The following C4orf17 variants were observed in gnomAD, a reference collection of about 807,000 sequenced individuals.
C4orf17 encodes the protein chromosome 4 open reading frame 17.
C4orf17 carries 25 observed loss-of-function variants against 32.0 expected under a neutral mutation model. The observed-to-expected ratio is 0.78, with a 90% CI of 0.57 to 1.09. The LOEUF is 1.09. C4orf17 is among the 50% of genes least tolerant of loss of function. C4orf17 has a pLI of 0.00. For missense variants in C4orf17, 420 were observed against 420.0 expected (o/e 1.00, Z 0.00); for synonymous variants, 149 against 145.8 (o/e 1.02, Z -0.16).
chr4:99,513,448 C>A (rs896058204), intron 2 of C4orf17, among the ~76,000 whole-genome samples: 3 of 152,152 alleles, frequency 2.0e-5, no homozygotes, highest in Non-Finnish European at 4.4e-5. Flanking sequence ...ATTGTTAGGA[C>A]AGGGGCCTGG....
intron 1 of C4orf17, among the ~76,000 whole-genome samples, chr4:99,511,860 T>C (rs1378395369): frequency 6.6e-6 from 1 of 152,192 alleles, no homozygotes; most frequent in African/African-American, 2.4e-5. Context: ...TATTGCTAGA[T>C]AGATATTTTC....
chr4:99,512,113 AT>A (rs1224550564), intron 1 of C4orf17, among the ~76,000 whole-genome samples: 2 of 152,160 alleles, frequency 1.3e-5, no homozygotes, highest in Non-Finnish European at 2.9e-5. Context: ...GAACATGAAC[AT>A]TTTTTGACAC....
At chr4:99,534,051 C>T (rs1723519939) in intron 5 of C4orf17, among the ~76,000 whole-genome samples, 1 of 152,066 alleles carries the variant, frequency 6.6e-6, no homozygotes, top group South Asian at 2.1e-4. Flanking sequence ...AAATGTATGC[C>T]CTGGTGGTTT....
At chr4:99,531,333 A>C (rs1319089047) in intron 5 of C4orf17, among the ~76,000 whole-genome samples, 1 of 152,158 alleles carries the variant, frequency 6.6e-6, no homozygotes, top group Non-Finnish European at 1.5e-5. Context: ...TATTGAATAA[A>C]TAAATTAAAA....
chr4:99,513,185 C>T lies in C4orf17; in HGVS notation c.104C>T (p.Pro35Leu), dbSNP rs1723125605. The T allele has an allele frequency of 8.1e-6, 13 of 1,613,732 alleles. No individual in the cohort carries two copies. The East Asian group carries it at 2.9e-4, about 36-fold the overall frequency. ...TTTCTAGTCAGGCACACCCCTCATC[C>T]CAGAAGAGTCTGCCACATCAAAGGT... ...SCFLVRHTPHPRRVCHIKGLN... is the reference protein window; with the variant it reads ...SCFLVRHTPHLRRVCHIKGLN... The change falls in exon 2 of 9, where the codon CCC becomes CTC. Residue 35 changes from proline to leucine, a missense_variant. By Grantham distance (98) the Pro-to-Leu change is moderately conservative. Transcript: ENST00000326581.
At chr4:99,516,585 G>T (rs1309051280) in intron 2 of C4orf17, among the ~76,000 whole-genome samples, 1 of 152,156 alleles carries the variant, frequency 6.6e-6, no homozygotes, top group East Asian at 1.9e-4. Context: ...AATGACATTA[G>T]TAACAATAAT....
intron 5 of C4orf17, among the ~76,000 whole-genome samples, chr4:99,534,788 G>A (rs1315445041): frequency 6.6e-6 from 1 of 152,188 alleles, no homozygotes; most frequent in Non-Finnish European, 1.5e-5. Context: ...CTGTCACCAT[G>A]ATGCTAGCTG....
intron 5 of C4orf17, among the ~76,000 whole-genome samples, chr4:99,533,545 G>C (rs1390283239): frequency 6.6e-6 from 1 of 152,140 alleles, no homozygotes; most frequent in Non-Finnish European, 1.5e-5. Flanking sequence ...AGCTTCACTA[G>C]GTACAGAAAA....
At chr4:99,532,153 C>T (rs1723487420) in intron 5 of C4orf17, among the ~76,000 whole-genome samples, 1 of 152,092 alleles carries the variant, frequency 6.6e-6, no homozygotes, top group African/African-American at 2.4e-5. Flanking sequence ...TCTCTAGGAA[C>T]TATAAATAGA....
At chr4:99,527,393 A>G (rs1444509521) in intron 4 of C4orf17, among the ~76,000 whole-genome samples, 1 of 152,208 alleles carries the variant, frequency 6.6e-6, no homozygotes, top group Non-Finnish European at 1.5e-5. Flanking sequence ...AGAACGCAAT[A>G]TAAATATCAA....
chr4:99,521,153 T>C (rs1723281269), intron 2 of C4orf17, among the ~76,000 whole-genome samples: 1 of 152,030 alleles, frequency 6.6e-6, no homozygotes, highest in Non-Finnish European at 1.5e-5. Flanking sequence ...GTGGGCGGAT[T>C]ACAAGGTCAG....
Position 99,529,876 on chromosome 4 carries a change from G to A in C4orf17, c.464G>A (p.Cys155Tyr). 1 of 1,612,636 alleles carries A rather than the reference G, an allele frequency of 6.2e-7. No homozygotes were observed. Among genetic ancestry groups the A allele is most frequent in the Non-Finnish European group, 8.5e-7 (1 of 1,179,450 alleles). Residue 155 changes from cysteine (C) to tyrosine (Y), a missense_variant, in exon 5 of 9, where the codon TGT (cysteine) becomes TAT (tyrosine). Transcript: ENST00000326581. The part of the protein sequence containing the change: ...PPKACSTPGS[C>Y]SSGMTSTKND... Reference sequence around the variant, plus strand: ...AAGGCATGCTCTACTCCTGGCTCCTGTTCTTCAGGGATGACAAGTACCAAG... The same window carrying A: ...AAGGCATGCTCTACTCCTGGCTCCTATTCTTCAGGGATGACAAGTACCAAG...
At chr4:99,539,133 C>T in intron 6 of C4orf17, 30 bp from the exon 7 acceptor site, 13 of 1,597,542 alleles carry the variant, frequency 8.1e-6, no homozygotes, top group Non-Finnish European at 1.0e-5. Flanking sequence ...AACCTTCACT[C>T]CTCCCACCCT....
intron 3 of C4orf17, among the ~76,000 whole-genome samples, chr4:99,523,368 C>T (rs545706279): frequency 6.6e-6 from 1 of 152,264 alleles, no homozygotes; most frequent in South Asian, 2.1e-4. Flanking sequence ...ACTATCAGGA[C>T]ACATGAAAAT....
At chr4:99,525,637 C>CA (rs1277404215) in intron 4 of C4orf17, among the ~76,000 whole-genome samples, 1 of 151,442 alleles carries the variant, frequency 6.6e-6, no homozygotes, top group Admixed American at 6.6e-5. Flanking sequence ...TACTAAAATA[C>CA]AAAAAAAATT....
In C4orf17 at chr4:99,542,244, T is replaced by C. The variant is rs1176324400; in HGVS notation, c.*135T>C. The C allele has an allele frequency of 1.4e-6, 1 of 705,234 alleles. No individual in the cohort carries two copies. Among genetic ancestry groups the C allele is most frequent in the Non-Finnish European group, 2.5e-6 (1 of 400,876 alleles). 43.7% of individuals were successfully genotyped at this position (705,234 alleles called of 1,614,324 possible). A position where few individuals can be genotyped will look rare whatever the true frequency, so the allele number is the denominator to read the frequency against. ...ATGGTGGCACATGTAAATCTAAAAATACCTGTATGTAATGCTACAAATAAA... is the reference window on the plus strand; with the variant it reads ...ATGGTGGCACATGTAAATCTAAAAACACCTGTATGTAATGCTACAAATAAA... On this transcript the variant is annotated 3_prime_UTR_variant, in exon 9 of 9. Coordinates refer to ENST00000326581, the MANE Select transcript of C4orf17 (RefSeq NM_032149.3).
At chr4:99,527,310 C>T (rs1382467604) in intron 4 of C4orf17, among the ~76,000 whole-genome samples, 1 of 152,048 alleles carries the variant, frequency 6.6e-6, no homozygotes, top group Admixed American at 6.6e-5. Flanking sequence ...TGTTATATGG[C>T]CTAGAATATT....
intron 1 of C4orf17, among the ~76,000 whole-genome samples, chr4:99,512,422 G>C (rs1168315100): frequency 6.6e-6 from 1 of 152,076 alleles, no homozygotes; most frequent in African/African-American, 2.4e-5. Flanking sequence ...AATGTTAACT[G>C]TTACTCAATA....
intron 2 of C4orf17, among the ~76,000 whole-genome samples, chr4:99,520,022 T>C (rs1225519399): frequency 6.6e-6 from 1 of 152,070 alleles, no homozygotes; most frequent in Non-Finnish European, 1.5e-5. Flanking sequence ...TACATTGTCT[T>C]GGCCAAACCT....
Sources: gnomAD v4.1 joint callset for allele counts (sites outside exome capture counted in the v4.1 genomes callset) on GRCh38, gnomAD v4.1.1 for gene constraint, MANE v1.5 for transcripts, NCBI Gene and HGNC (gene_info 2026-07-23, HGNC 2026-07-21) for gene names.